Variants in MAP4 observed in about 807,000 individuals in gnomAD.
MAP4 encodes the protein microtubule associated protein 4.
In MAP4, 76 loss-of-function variants were observed where a neutral mutation model predicts 170.2. That is an observed-to-expected ratio of 0.45 (90% confidence interval 0.37 to 0.54). The LOEUF (loss-of-function observed/expected upper bound fraction) is 0.54. MAP4 is among the 20% of genes least tolerant of loss of function. The pLI is 0.00. For missense variants in MAP4, 2,506 were observed against 2,748.0 expected (o/e 0.91, Z 1.97); for synonymous variants, 909 against 994.5 (o/e 0.91, Z 1.62).
rs537811556 is a variant in MAP4 at position 47,875,586 on chromosome 3, A to AC, written c.5757+98dup. ...ATTTCCCTTGCCTTTTCCCAATTCC[A>AC]CCAGCCTGATTCTGTTGTCTGTTAG... On this transcript the variant is annotated intron_variant, in intron 12 of 20. Transcript: ENST00000683076. 2.0e-4 allele frequency: 232 copies of AC among 1,142,864 alleles called. No homozygotes were observed. The African/African-American group carries it at 3.2e-3, about 16-fold the overall frequency. The allele number at this position is 1,142,864 out of a possible 1,614,324, so 70.8% of individuals were successfully genotyped here.
chr3:47,960,409 G>A lies in MAP4; in HGVS notation c.292+17456C>T, dbSNP rs761939466. On this transcript the variant is annotated intron_variant, in intron 3 of 20. Coordinates refer to ENST00000683076, the MANE Select transcript of MAP4 (RefSeq NM_001385682.1). The stretch of plus-strand genomic sequence containing the variant: ...CCCTCTGTCTTCCTCATCAACAGGC[G>A]CTAAATTCAAAAAGTACCTTACTGA... 3.9e-5 allele frequency: 9 copies of A among 231,272 alleles called. No homozygotes were observed. In the East Asian group the frequency reaches 4.4e-4, roughly 11 times the overall value. The allele number at this position is 231,272 out of a possible 1,614,324, so 14.3% of individuals were successfully genotyped here. A position where few individuals can be genotyped will look rare whatever the true frequency, so the allele number is the denominator to read the frequency against.
chr3:48,007,076 G>A (rs1275074120), intron 1 of MAP4, among the ~76,000 whole-genome samples: 3 of 152,196 alleles, frequency 2.0e-5, no homozygotes, highest in East Asian at 1.9e-4. Context: ...GATCTTGATC[G>A]CTTTTCGCTT....
At chr3:47,939,850 A>T (rs561715360) in intron 3 of MAP4, among the ~76,000 whole-genome samples, 5 of 151,554 alleles carry the variant, frequency 3.3e-5, no homozygotes, top group South Asian at 2.1e-4. Context: ...TCATTTTTTT[A>T]AAAATTTTTT....
At chr3:48,040,878 T>C (rs532980170) in intron 1 of MAP4, among the ~76,000 whole-genome samples, 1 of 152,278 alleles carries the variant, frequency 6.6e-6, no homozygotes, top group African/African-American at 2.4e-5. Context: ...TTTTGTATTT[T>C]TGATAGAGAC....
intron 3 of MAP4, among the ~76,000 whole-genome samples, chr3:47,966,769 T>C (rs1159153922): frequency 1.3e-5 from 2 of 152,204 alleles, no homozygotes; most frequent in Non-Finnish European, 2.9e-5. Flanking sequence ...CTGGTACCGT[T>C]GTCTAAAATC....
intron 1 of MAP4, among the ~76,000 whole-genome samples, chr3:48,075,992 A>AAG (rs1172820642): frequency 3.0e-4 from 45 of 150,848 alleles, no homozygotes; most frequent in Non-Finnish European, 3.7e-4. Context: ...AAAAAAAAAA[A>AAG]GAAACAAAGA....
intron 10 of MAP4, among the ~76,000 whole-genome samples, chr3:47,895,037 G>C (rs2100026070): frequency 2.0e-5 from 3 of 151,300 alleles, no homozygotes; most frequent in Admixed American, 2.0e-4. Flanking sequence ...AAAAAAAAAG[G>C]GGGTGAGGAA....
At chr3:48,054,573 T>C (rs1180795623) in intron 1 of MAP4, among the ~76,000 whole-genome samples, 1 of 132,694 alleles carries the variant, frequency 7.5e-6, no homozygotes, top group Non-Finnish European at 1.5e-5. Flanking sequence ...GAGGTTGCAG[T>C]GAGCCGAGAT....
chr3:48,040,361 T>C (rs1423359471), intron 1 of MAP4, among the ~76,000 whole-genome samples: 1 of 151,858 alleles, frequency 6.6e-6, no homozygotes, highest in Non-Finnish European at 1.5e-5. Flanking sequence ...CTCCGCCTCC[T>C]GGGTTCAGGC....
intron 3 of MAP4, among the ~76,000 whole-genome samples, chr3:47,939,200 C>T (rs2100054842): frequency 6.6e-6 from 1 of 152,174 alleles, no homozygotes; most frequent in Admixed American, 6.6e-5. Flanking sequence ...GCTCATTTTC[C>T]ACTACTTAGC....
intron 1 of MAP4, among the ~76,000 whole-genome samples, chr3:48,072,016 T>C (rs2100141270): frequency 6.6e-6 from 1 of 151,382 alleles, no homozygotes; most frequent in Non-Finnish European, 1.5e-5. Context: ...AGGTCAGGAG[T>C]TCGAGACCAG....
rs546073178 is a variant in MAP4, at chr3:48,035,947, C to CA, written c.-19-37069dup. ...AGAGCGAGACTCCATCCCCCCCTCT[C>CA]AAAAAAAAACAGCAGTTATTGCAGA... On this transcript the variant is annotated intron_variant, in intron 1 of 18. Coordinates refer to the MAP4 transcript ENST00000360240. 4.3e-3 allele frequency among the ~76,000 whole-genome samples: 651 copies of CA among 149,854 alleles called. 6 individuals are homozygous for CA. Among genetic ancestry groups the CA allele is most frequent in the African/African-American group, 0.015 (619 of 40,912 alleles).
At chr3:47,933,244 T>G (rs1028281105) in intron 3 of MAP4, among the ~76,000 whole-genome samples, 1 of 152,144 alleles carries the variant, frequency 6.6e-6, no homozygotes, top group Non-Finnish European at 1.5e-5. Context: ...GAAAAGGGAC[T>G]GGCTTTGTAA....
intron 10 of MAP4, among the ~76,000 whole-genome samples, chr3:47,899,897 C>T (rs890030747): frequency 6.6e-6 from 1 of 152,220 alleles, no homozygotes; most frequent in African/African-American, 2.4e-5. Flanking sequence ...GTTTCCAGGA[C>T]TCTTGGCAAA....
intron 17 of MAP4, among the ~76,000 whole-genome samples, chr3:47,864,374 C>T (rs1013691594): frequency 2.5e-4 from 38 of 152,122 alleles, no homozygotes; most frequent in African/African-American, 8.7e-4. Context: ...AACCCCGTCT[C>T]TACTAAAAGT....
At chr3:48,028,954 GCA>G (rs2100114500) in intron 1 of MAP4, among the ~76,000 whole-genome samples, 1 of 148,126 alleles carries the variant, frequency 6.8e-6, no homozygotes, top group African/African-American at 2.5e-5. Flanking sequence ...ACCAGCCTGG[GCA>G]ACATGGTGAA....
rs760115078 is a variant in MAP4, at chr3:47,870,832, T to C, written c.6275A>G (p.His2092Arg). ...ACCCACCCGGCCTCCTCCAGGCTGA[T>C]GCTTGATGTTTTCCGTGGAGCCAAC... ...SKVGSTENIK[H>R]QPGGGRAKVE... The change falls in exon 15 of 21, where the codon CAT becomes CGT. Residue 2092 changes from histidine to arginine, a missense_variant. Transcript: ENST00000683076. The C allele has an allele frequency of 2.5e-6, 4 of 1,577,562 alleles. No individual in the cohort carries two copies.
In MAP4 at chr3:48,036,552, C is replaced by T. The variant is rs544914965; in HGVS notation, c.-19-37673G>A. ...GTCCAAGGGGGCGCCTTCTTGATAT[C>T]GTCATGTATAGAGCTATGGCCAAAT... On this transcript the variant is annotated intron_variant, in intron 1 of 18. Coordinates refer to the MAP4 transcript ENST00000360240. Among the ~76,000 whole-genome samples, 11 of 152,170 alleles carry T rather than the reference C, an allele frequency of 7.2e-5. 1 individual carries two copies. In the East Asian group the frequency reaches 1.7e-3, roughly 24 times the overall value.
intron 1 of MAP4, among the ~76,000 whole-genome samples, chr3:48,008,672 C>G (rs889889356): frequency 1.3e-5 from 2 of 152,190 alleles, no homozygotes; most frequent in Admixed American, 6.5e-5. Context: ...CAACAAGTGA[C>G]CTCAGCGGAG....
Sources: gnomAD v4.1 joint callset for allele counts (sites outside exome capture counted in the v4.1 genomes callset) on GRCh38, gnomAD v4.1.1 for gene constraint, MANE v1.5 for transcripts, NCBI Gene and HGNC (gene_info 2026-07-23, HGNC 2026-07-21) for gene names.